PIWIL2: variants seen among roughly 807,000 people sequenced by gnomAD.
The protein encoded by PIWIL2 is piwi like RNA-mediated gene silencing 2.
In PIWIL2, 81 loss-of-function variants were observed where a neutral mutation model predicts 116.5. That is an observed-to-expected ratio of 0.70 (90% CI 0.58 to 0.84). The LOEUF (loss-of-function observed/expected upper bound fraction) is 0.84, where lower values mean the gene tolerates loss of function less well. Ranked by LOEUF, PIWIL2 falls within the 40% of genes least tolerant of loss-of-function variation. The pLI, the probability that PIWIL2 is intolerant of heterozygous loss-of-function variation, is 0.00. For missense variants in PIWIL2, 1,272 were observed against 1,212.3 expected (o/e 1.05, Z -0.73); for synonymous variants, 489 against 429.5 (o/e 1.14, Z -1.71).
chr8:22,311,572 C>G (rs1831331896), intron 16 of PIWIL2, among the ~76,000 whole-genome samples: 1 of 152,194 alleles, frequency 6.6e-6, no homozygotes, highest in South Asian at 2.1e-4. Context: ...GGTTCATTAT[C>G]TATAGAACAT....
At position 22,351,540 on chromosome 8, in the gene PIWIL2, T is replaced by G. The variant is rs185779562; in HGVS notation, c.2404-1419T>G. ...TTTTTTTGGTGTTTTTTTTTTGTTTTTTTGTTTTTTGTTTTGAGACGGAGT... is the reference window on the plus strand; with the variant it reads ...TTTTTTTGGTGTTTTTTTTTTGTTTGTTTGTTTTTTGTTTTGAGACGGAGT... On this transcript the variant is annotated intron_variant, in intron 20 of 22. Transcript: ENST00000356766. Among the ~76,000 whole-genome samples the G allele has an allele frequency of 5.5e-3, 793 of 143,792 alleles. 4 individuals carry two copies. Among genetic ancestry groups the G allele is most frequent in the African/African-American group, 0.019 (755 of 39,228 alleles). The allele number at this position is 143,792 out of a possible 152,430, so 94.3% of individuals were successfully genotyped here. A position where few individuals can be genotyped will look rare whatever the true frequency, so the allele number is the denominator to read the frequency against.
At chr8:22,328,464 CAAA>C (rs1186734755) in intron 20 of PIWIL2, among the ~76,000 whole-genome samples, 1 of 151,564 alleles carries the variant, frequency 6.6e-6, no homozygotes, top group Non-Finnish European at 1.5e-5. Flanking sequence ...TTTGTTTCTG[CAAA>C]AAAAGGCCAT....
chr8:22,311,633 A>G (rs1326931311), intron 16 of PIWIL2, among the ~76,000 whole-genome samples: 2 of 152,172 alleles, frequency 1.3e-5, no homozygotes, highest in Non-Finnish European at 2.9e-5. Flanking sequence ...TGCACGATTC[A>G]CTACTGAGCT....
intron 20 of PIWIL2, among the ~76,000 whole-genome samples, chr8:22,350,744 G>A (rs1386380275): frequency 6.6e-6 from 1 of 152,210 alleles, no homozygotes; most frequent in African/African-American, 2.4e-5. Context: ...GCTCATTCCT[G>A]TAACCTCAGC....
intron 20 of PIWIL2, among the ~76,000 whole-genome samples, chr8:22,341,977 TAA>T (rs530423710): frequency 0.036 from 4,424 of 121,438 alleles, 219 homozygotes; most frequent in African/African-American, 0.12. Context: ...TCTATTGCTG[TAA>T]AAAAAAAAAA....
intron 20 of PIWIL2, among the ~76,000 whole-genome samples, chr8:22,338,652 A>G (rs780988183): frequency 3.3e-5 from 5 of 152,022 alleles, no homozygotes; most frequent in Non-Finnish European, 7.4e-5. Context: ...ACATCACGTC[A>G]CTGCACTCCA....
intron 20 of PIWIL2, among the ~76,000 whole-genome samples, chr8:22,320,023 C>T (rs572266822): frequency 2.7e-3 from 408 of 152,256 alleles, no homozygotes; most frequent in African/African-American, 8.5e-3. Flanking sequence ...AGTGCAGTGG[C>T]ACAATCTCGG....
intron 10 of PIWIL2, among the ~76,000 whole-genome samples, chr8:22,298,172 A>G (rs1222769634): frequency 1.3e-5 from 2 of 152,078 alleles, no homozygotes; most frequent in South Asian, 4.1e-4. Flanking sequence ...TGGGAGAATC[A>G]TCTGAGCTGG....
chr8:22,334,109 G>A (rs1046640861), intron 20 of PIWIL2, among the ~76,000 whole-genome samples: 9 of 151,602 alleles, frequency 5.9e-5, no homozygotes, highest in East Asian at 1.9e-4. Flanking sequence ...GAGTAGCTTG[G>A]ATTACAGGCA....
chr8:22,323,190 C>G lies in PIWIL2; in HGVS notation c.2403+4915C>G, dbSNP rs541911685. Among the ~76,000 whole-genome samples the G allele has an allele frequency of 1.0e-4, 15 of 146,856 alleles. No homozygotes were observed. In the South Asian group the frequency reaches 3.2e-3, roughly 31 times the overall value. On this transcript the variant is annotated intron_variant, in intron 20 of 22. Coordinates refer to ENST00000356766, the MANE Select transcript of PIWIL2 (RefSeq NM_018068.5). ...TGAGACAGAGTCTTGCTCTGTCGCC[C>G]AGGCTGGAGTGCAGTGGCACATTCT... is the stretch of plus-strand genomic sequence containing the variant.
chr8:22,282,431 T>A (rs969734368), intron 4 of PIWIL2, among the ~76,000 whole-genome samples: 1 of 151,880 alleles, frequency 6.6e-6, no homozygotes, highest in East Asian at 1.9e-4. Context: ...CAGGTAATCC[T>A]CCCGCCTTGG....
At chr8:22,292,953 G>A (rs1030425064) in intron 10 of PIWIL2, among the ~76,000 whole-genome samples, 2 of 152,298 alleles carry the variant, frequency 1.3e-5, no homozygotes, top group Middle Eastern at 3.4e-3. Flanking sequence ...TGGGCCTAGT[G>A]CAGGAGCCCA....
intron 21 of PIWIL2, 57 bp downstream of exon 21, chr8:22,353,269 T>TAG (rs2132115552): frequency 6.8e-7 from 1 of 1,480,670 alleles, no homozygotes; most frequent in African/African-American, 1.4e-5. Flanking sequence ...TGTTGTCACT[T>TAG]TCCTGAGTAT....
intron 20 of PIWIL2, among the ~76,000 whole-genome samples, chr8:22,333,068 T>C (rs1368010332): frequency 6.6e-6 from 1 of 152,132 alleles, no homozygotes; most frequent in Non-Finnish European, 1.5e-5. Context: ...CATAGGTCTT[T>C]GAATTGTTGA....
At chr8:22,294,568 G>T (rs1830843472) in intron 10 of PIWIL2, among the ~76,000 whole-genome samples, 3 of 148,236 alleles carry the variant, frequency 2.0e-5, no homozygotes, top group Non-Finnish European at 4.5e-5. Flanking sequence ...GTGAACCCAG[G>T]AGGCGGAGCT....
At chr8:22,331,053 G>A (rs1289901141) in intron 20 of PIWIL2, among the ~76,000 whole-genome samples, 3 of 152,064 alleles carry the variant, frequency 2.0e-5, no homozygotes, top group East Asian at 1.9e-4. Context: ...GTGGACTCCT[G>A]TAATCCCAGC....
chr8:22,285,327 G>C (rs913991523), intron 6 of PIWIL2, among the ~76,000 whole-genome samples: 2 of 152,120 alleles, frequency 1.3e-5, no homozygotes, highest in Non-Finnish European at 2.9e-5. Flanking sequence ...GATGGTATTT[G>C]TCTTTCTGTG....
chr8:22,280,700 T>C (rs1357099151), intron 2 of PIWIL2, among the ~76,000 whole-genome samples: 1 of 152,222 alleles, frequency 6.6e-6, no homozygotes, highest in Admixed American at 6.5e-5. Context: ...TGATCCAGCT[T>C]TTTTGAAATG....
intron 20 of PIWIL2, among the ~76,000 whole-genome samples, chr8:22,336,887 T>C (rs1831992442): frequency 6.6e-6 from 1 of 152,154 alleles, no homozygotes; most frequent in Admixed American, 6.6e-5. Context: ...TAGAAGAATC[T>C]GATAACTAAG....
Sources: allele counts gnomAD v4.1 joint callset (sites outside exome capture counted in the v4.1 genomes callset), GRCh38; gene constraint gnomAD v4.1.1; transcripts MANE v1.5; gene names NCBI Gene and HGNC (gene_info 2026-07-23, HGNC 2026-07-21).